Variants in GSK3B observed in about 807,000 individuals in gnomAD.
The protein encoded by GSK3B is glycogen synthase kinase 3 beta.
Under a neutral mutation model 56.4 loss-of-function variants are expected in GSK3B, and 15 were observed. The observed-to-expected ratio is 0.27, with a 90% CI of 0.18 to 0.41. The LOEUF (loss-of-function observed/expected upper bound fraction) is 0.41. GSK3B is among the 10% of genes least tolerant of loss of function. The pLI is 1.00. For missense variants in GSK3B, 300 were observed against 513.4 expected, an observed-to-expected ratio of 0.58 and a Z score of 4.02; for synonymous variants, 181 against 188.9, an observed-to-expected ratio of 0.96 and a Z score of 0.34.
At chr3:120,016,330 G>A (rs1343969712) in intron 1 of GSK3B, among the ~76,000 whole-genome samples, 5 of 152,130 alleles carry the variant, frequency 3.3e-5, no homozygotes, top group Non-Finnish European at 7.3e-5. Flanking sequence ...CACTTGAAGA[G>A]CCACAATATA....
chr3:119,833,978 G>A (rs1185622562), intron 10 of GSK3B, among the ~76,000 whole-genome samples: 1 of 152,098 alleles, frequency 6.6e-6, no homozygotes, highest in Non-Finnish European at 1.5e-5. Flanking sequence ...GATTGTAGGT[G>A]TGAGTCACTG....
At chr3:119,868,060 C>T (rs1231488875) in intron 8 of GSK3B, among the ~76,000 whole-genome samples, 1 of 139,646 alleles carries the variant, frequency 7.2e-6, no homozygotes, top group Admixed American at 7.0e-5. Context: ...AAAAACAAAA[C>T]CAAAAGTAAA....
chr3:120,000,234 G>T (rs2057662734), intron 2 of GSK3B, among the ~76,000 whole-genome samples: 1 of 152,184 alleles, frequency 6.6e-6, no homozygotes, highest in Admixed American at 6.5e-5. Context: ...CCATTAAAAA[G>T]AAAAGGCAAA....
chr3:120,057,673 T>C (rs1361168139), intron 1 of GSK3B, among the ~76,000 whole-genome samples: 1 of 152,198 alleles, frequency 6.6e-6, no homozygotes, highest in Non-Finnish European at 1.5e-5. Flanking sequence ...AATATAGCTA[T>C]GTGCAAAGAA....
rs983210127 is a variant in GSK3B, at chr3:119,898,224, A to C, written c.813+7531T>G. Among the ~76,000 whole-genome samples the C allele has an allele frequency of 1.3e-5, 2 of 152,174 alleles. 1 individual carries two copies. Among genetic ancestry groups the C allele is most frequent in the Admixed American group, 1.3e-4 (2 of 15,260 alleles). On this transcript the variant is annotated intron_variant, in intron 7 of 10. Coordinates refer to ENST00000264235, the MANE Select transcript of GSK3B (RefSeq NM_001146156.2). Reference sequence around the variant, plus strand: ...TATTAAATATTGTCTTAAAAATGAAAAACAGAATGGTTGTACAGGTACTCA... The same window carrying C: ...TATTAAATATTGTCTTAAAAATGAACAACAGAATGGTTGTACAGGTACTCA...
intron 3 of GSK3B, among the ~76,000 whole-genome samples, chr3:119,945,912 T>C (rs1164056776): frequency 3.9e-5 from 6 of 152,044 alleles, no homozygotes; most frequent in African/African-American, 1.4e-4. Flanking sequence ...AAGAGTGTAC[T>C]TGTGAACCTA....
chr3:119,865,466 A>ATTTTTT (rs779477802), intron 8 of GSK3B, among the ~76,000 whole-genome samples: 3 of 34,110 alleles, frequency 8.8e-5, no homozygotes, highest in Non-Finnish European at 1.0e-4. Context: ...ATATATATAT[A>ATTTTTT]TTTTTTTTTT....
In GSK3B at chr3:120,082,552, C is replaced by T. The variant is rs548453285; in HGVS notation, c.88+10795G>A. Among the ~76,000 whole-genome samples the T allele has an allele frequency of 2.2e-3, 331 of 151,960 alleles. 1 individual carries two copies. The highest frequency in any genetic ancestry group is 3.7e-3 in the South Asian group (18 of 4,814). On this transcript the variant is annotated intron_variant, in intron 1 of 10. Transcript: ENST00000264235. ...CTGGGATTATAGGCGTCTGCCACCA[C>T]GCCCAGCTAATTTTCGTATTTTTAG... is the stretch of plus-strand genomic sequence containing the variant.
chr3:119,932,300 T>G (rs565220927), intron 3 of GSK3B, among the ~76,000 whole-genome samples: 17 of 152,310 alleles, frequency 1.1e-4, no homozygotes, highest in African/African-American at 4.1e-4. Context: ...CTATCTTTTC[T>G]CTGATGGGTA....
rs562361129 is a variant in GSK3B at position 120,002,232 on chromosome 3, C to T, written c.96G>A (p.Lys32=). 3.2e-6 allele frequency: 5 copies of T among 1,546,404 alleles called. No individual in the cohort carries two copies. In the African/African-American group the frequency reaches 5.6e-5, roughly 17 times the overall value. ...AFGSMKVSRD[K]DGSKVTTVVA... is the part of the protein sequence containing the mutation. ...CCACTGTTGTCACCTTGCTGCCGTC[C>T]TTGTCTCCTAAAGGAAGAAAGGAAA... Residue 32 remains lysine (K), a synonymous_variant, in exon 2 of 11, where the codon AAG becomes AAA. Transcript: ENST00000264235.
intron 2 of GSK3B, among the ~76,000 whole-genome samples, chr3:119,977,097 T>G (rs1364137154): frequency 6.6e-6 from 1 of 152,230 alleles, no homozygotes; most frequent in Non-Finnish European, 1.5e-5. Context: ...TATATAATTT[T>G]AACAGCAAAC....
intron 9 of GSK3B, among the ~76,000 whole-genome samples, chr3:119,857,986 C>CT (rs543574972): frequency 1.3e-5 from 2 of 152,258 alleles, no homozygotes; most frequent in Middle Eastern, 3.4e-3. Context: ...TTGAAAGAAT[C>CT]TTTTTTTCCT....
At chr3:119,827,243 T>C (rs560685662) in intron 10 of GSK3B, among the ~76,000 whole-genome samples, 4 of 152,310 alleles carry the variant, frequency 2.6e-5, no homozygotes, top group East Asian at 3.9e-4. Flanking sequence ...TGTTACAATA[T>C]GCCATCTGCT....
At chr3:120,088,776 C>T (rs895618009) in intron 1 of GSK3B, among the ~76,000 whole-genome samples, 2 of 152,210 alleles carry the variant, frequency 1.3e-5, no homozygotes, top group Non-Finnish European at 2.9e-5. Flanking sequence ...CTTGTCTCAC[C>T]CACACAAGCG....
intron 3 of GSK3B, among the ~76,000 whole-genome samples, chr3:119,926,759 T>G (rs567084717): frequency 6.6e-6 from 1 of 152,312 alleles, no homozygotes; most frequent in South Asian, 2.1e-4. Flanking sequence ...ATTCTGTACT[T>G]CAGGGCTTCT....
chr3:119,918,196 C>T (rs767414817), intron 4 of GSK3B, among the ~76,000 whole-genome samples: 14 of 152,064 alleles, frequency 9.2e-5, no homozygotes, highest in Non-Finnish European at 1.3e-4. Context: ...GGAGGCCGGG[C>T]GCGGTGGCTC....
At chr3:120,050,231 C>T (rs2058137384) in intron 1 of GSK3B, among the ~76,000 whole-genome samples, 1 of 152,194 alleles carries the variant, frequency 6.6e-6, no homozygotes, top group African/African-American at 2.4e-5. Context: ...AGGTACAAAG[C>T]CATTCATGAG....
intron 6 of GSK3B, among the ~76,000 whole-genome samples, chr3:119,906,633 C>G (rs1475153658): frequency 1.3e-5 from 2 of 152,066 alleles, no homozygotes; most frequent in East Asian, 1.9e-4. Flanking sequence ...GAAGATAAAC[C>G]GTACGGTCAC....
intron 1 of GSK3B, among the ~76,000 whole-genome samples, chr3:120,075,999 T>C (rs2058364389): frequency 6.6e-6 from 1 of 151,592 alleles, no homozygotes; most frequent in African/African-American, 2.4e-5. Context: ...ATAATCAAAA[T>C]AGTTTAGTAC....
Sources: allele counts gnomAD v4.1 joint callset (sites outside exome capture counted in the v4.1 genomes callset), GRCh38; gene constraint gnomAD v4.1.1; transcripts MANE v1.5; gene names NCBI Gene and HGNC (gene_info 2026-07-23, HGNC 2026-07-21).